Variants in ABR observed in about 807,000 individuals in gnomAD.
ABR encodes the protein active breakpoint cluster region-related protein.
In ABR, 35 loss-of-function variants were observed where a neutral mutation model predicts 107.2. That is an observed-to-expected ratio of 0.33 (90% CI 0.25 to 0.43). ABR has a LOEUF of 0.43. ABR is among the 20% of genes least tolerant of loss of function. ABR has a pLI of 1.00. For missense variants in ABR, 815 were observed against 1,115.2 expected, an observed-to-expected ratio of 0.73 and a Z score of 3.83; for synonymous variants, 498 against 462.0, an observed-to-expected ratio of 1.08 and a Z score of -1.00.
At chr17:1,185,587 G>A (rs1251912785) in intron 1 of ABR, among the ~76,000 whole-genome samples, 1 of 147,298 alleles carries the variant, frequency 6.8e-6, no homozygotes, top group South Asian at 2.2e-4. Context: ...GGAGGTTGCA[G>A]TGAGCCGAGA....
intron 1 of ABR, among the ~76,000 whole-genome samples, chr17:1,224,378 T>A (rs531416732): frequency 1.3e-5 from 2 of 152,368 alleles, no homozygotes; most frequent in East Asian, 1.9e-4. Flanking sequence ...CTTAGGAATC[T>A]GCCCCTCATC....
In ABR at chr17:1,202,377, C is replaced by T. The variant is rs946988338; in HGVS notation, c.838+26416G>A. On this transcript the variant is annotated intron_variant, in intron 1 of 22. Transcript: ENST00000574139. ...AGCCATACCAGAGCCCCAGAGCGCACATTCAAAAGAGAATCTCCAACCTCT... is the reference window on the plus strand; with the variant it reads ...AGCCATACCAGAGCCCCAGAGCGCATATTCAAAAGAGAATCTCCAACCTCT... Among the ~76,000 whole-genome samples, 36 of 152,326 alleles carry T rather than the reference C, an allele frequency of 2.4e-4. 1 individual carries two copies. The highest frequency in any genetic ancestry group is 1.8e-3 in the Admixed American group (27 of 15,302).
intron 11 of ABR, 111 bp downstream of exon 11, chr17:1,058,634 G>A (rs544612282): frequency 1.4e-6 from 2 of 1,396,596 alleles, no homozygotes; most frequent in Admixed American, 2.6e-5. Flanking sequence ...GCCTCCTCAG[G>A]AAGAGGGGGC....
chr17:1,003,736 G>A lies in ABR; in HGVS notation c.*2344C>T, dbSNP rs1490009850. ...CATCAGCCATTGCCCAGCAAGAACAGGCAGACCTGGCGTTTCTTAGCCTGA... is the reference window on the plus strand; with the variant it reads ...CATCAGCCATTGCCCAGCAAGAACAAGCAGACCTGGCGTTTCTTAGCCTGA... On this transcript the variant is annotated 3_prime_UTR_variant, in exon 23 of 23. Transcript: ENST00000302538. 2 of 152,448 alleles carry A rather than the reference G, an allele frequency of 1.3e-5. No homozygotes were observed. The highest frequency in any genetic ancestry group is 4.8e-5 in the African/African-American group (2 of 41,456). 9.4% of individuals were successfully genotyped at this position (152,448 alleles called of 1,614,324 possible).
chr17:1,185,985 G>C (rs1041462584), intron 1 of ABR, among the ~76,000 whole-genome samples: 1 of 151,936 alleles, frequency 6.6e-6, no homozygotes, highest in East Asian at 1.9e-4. Context: ...ACAGGAGCCC[G>C]CCACCACACC....
At position 1,068,518 on chromosome 17, in the gene ABR, C is replaced by T. The variant is rs1272768043; in HGVS notation, c.1017-1276G>A. On this transcript the variant is annotated intron_variant, in intron 9 of 22. Transcript: ENST00000302538. ...TGATGGTAAACGAGTCCCACAGACACGGGTTTGAATCCAGACTGCCGCTTC... is the reference window on the plus strand; with the variant it reads ...TGATGGTAAACGAGTCCCACAGACATGGGTTTGAATCCAGACTGCCGCTTC... 2.6e-5 allele frequency among the ~76,000 whole-genome samples: 4 copies of T among 152,200 alleles called. No homozygotes were observed. In the East Asian group the frequency reaches 7.7e-4, roughly 29 times the overall value.
rs1034120700 is a variant in ABR, at chr17:1,020,739, G to A, written c.1792-7575C>T. On this transcript the variant is annotated intron_variant, in intron 16 of 22. Transcript: ENST00000302538. ...GGCTCCAGGGCAGAGGGTGCTCCACGCACACCTGAGCGTCCTCCAGGGCTG... is the reference window on the plus strand; with the variant it reads ...GGCTCCAGGGCAGAGGGTGCTCCACACACACCTGAGCGTCCTCCAGGGCTG... Among the ~76,000 whole-genome samples the A allele has an allele frequency of 7.2e-5, 11 of 152,146 alleles. No individual in the cohort carries two copies. The East Asian group carries it at 1.2e-3, about 16-fold the overall frequency.
At chr17:1,031,902 GTCCCTCCTCCCTCCTCCCTCCTCCGCA>G (rs1490601483) in intron 16 of ABR, 83 of 1,028,684 alleles carry the variant, frequency 8.1e-5, no homozygotes, top group African/African-American at 3.7e-4. Context: ...CTCCGTCCGC[GTCCCTCCTCCCTCCTCCCTCCTCCGCA>G]TCCCTCCTTC....
chr17:1,030,150 C>CT (rs1274645900), intron 16 of ABR, among the ~76,000 whole-genome samples: 5 of 152,224 alleles, frequency 3.3e-5, no homozygotes, highest in Non-Finnish European at 5.9e-5. Flanking sequence ...GCAAACCCAG[C>CT]TAAGGAATTC....
chr17:1,054,867 G>A (rs907147556), intron 14 of ABR, among the ~76,000 whole-genome samples: 1 of 152,134 alleles, frequency 6.6e-6, no homozygotes. Flanking sequence ...GTGGGGCGCT[G>A]CAGGGAGGGG....
At chr17:1,013,040 C>T (rs1439122729) in intron 17 of ABR, 65 bp downstream of exon 17, 1 of 1,582,524 alleles carries the variant, frequency 6.3e-7, no homozygotes, top group Non-Finnish European at 8.7e-7. Flanking sequence ...GCCGGGCTGC[C>T]CACCTGCTGC....
intron 21 of ABR, among the ~76,000 whole-genome samples, chr17:1,008,614 T>G (rs1257543283): frequency 1.3e-5 from 2 of 152,210 alleles, no homozygotes; most frequent in East Asian, 3.9e-4. Context: ...GAAAAATGTT[T>G]CATGATGGGA....
chr17:1,112,227 C>A (rs1404787909), intron 2 of ABR, among the ~76,000 whole-genome samples: 6 of 152,216 alleles, frequency 3.9e-5, no homozygotes, highest in African/African-American at 1.4e-4. Context: ...AGACGGGGCC[C>A]TTGCCGTTCT....
chr17:1,149,319 G>A (rs2040700946), intron 1 of ABR, among the ~76,000 whole-genome samples: 1 of 152,122 alleles, frequency 6.6e-6, no homozygotes, highest in African/African-American at 2.4e-5. Context: ...AGGAGGCCAG[G>A]GGGCTGAACC....
Position 1,012,671 on chromosome 17 carries a change from C to A in ABR, c.1961+17G>T. 1 of 1,555,720 alleles carries A rather than the reference C, an allele frequency of 6.4e-7. No homozygotes were observed. Among genetic ancestry groups the A allele is most frequent in the South Asian group, 1.2e-5 (1 of 84,810 alleles). On this transcript the variant is annotated intron_variant, in intron 18 of 22. Transcript: ENST00000302538. ...GGGCACCGACGCCAGGACTGGGAGA[C>A]CCGAGGCAGCACCTACTTCGTCACC...
intron 1 of ABR, among the ~76,000 whole-genome samples, chr17:1,214,371 C>A (rs914118778): frequency 2.0e-5 from 3 of 152,028 alleles, no homozygotes; most frequent in African/African-American, 7.2e-5. Context: ...CATGAGTAAC[C>A]ACCACCCCAG....
rs199574953 is a variant in ABR, at chr17:1,092,900, G to GCTCACTGCAA, written c.346-1051_346-1050insTTGCAGTGAG. The stretch of plus-strand genomic sequence containing the variant: ...GGCTGGAGTGCAGTGGTGCGATCTC[G>GCTCACTGCAA]GCTCCGCCTCCCGGGTTCACGCCAT... On this transcript the variant is annotated intron_variant, in intron 3 of 22. Coordinates refer to ENST00000302538, the MANE Select transcript of ABR (RefSeq NM_021962.5). The surrounding 1 kb of genome is among the most constrained non-coding windows in gnomAD (Gnocchi z 4.6). Among the ~76,000 whole-genome samples the GCTCACTGCAA allele has an allele frequency of 2.8e-5, 4 of 144,802 alleles. No homozygotes were observed. The highest frequency in any genetic ancestry group is 4.6e-5 in the Non-Finnish European group (3 of 65,602). 95.0% of individuals were successfully genotyped at this position (144,802 alleles called of 152,430 possible).
rs533917135 is a variant in ABR, at chr17:1,125,073, C to G, written c.246+110G>C. 3.5e-6 allele frequency: 4 copies of G among 1,157,000 alleles called. No individual in the cohort carries two copies. In the Admixed American group the frequency reaches 1.0e-4, roughly 29 times the overall value. The allele number at this position is 1,157,000 out of a possible 1,614,324, so 71.7% of individuals were successfully genotyped here. Reference sequence around the variant, plus strand: ...GGCACCAAGAACGGCCAGGTCCAAACGTCTCCAGTCCCAATCTCTCGAGAC... The same window carrying G: ...GGCACCAAGAACGGCCAGGTCCAAAGGTCTCCAGTCCCAATCTCTCGAGAC... On this transcript the variant is annotated intron_variant, in intron 2 of 22. Coordinates refer to ENST00000302538, the MANE Select transcript of ABR (RefSeq NM_021962.5).
chr17:1,092,084 T>G lies in ABR; in HGVS notation c.346-234A>C, dbSNP rs1024328007. On this transcript the variant is annotated intron_variant, in intron 3 of 22. Transcript: ENST00000302538. This position sits in a 1 kb window ranked among gnomAD's most constrained non-coding sequence, Gnocchi z 4.6. ...TGGCAGCTGTGCCAGGCCCGAGGGGTGGTGCCTGGGCTCACTCCCCTACCA... is the reference window on the plus strand; with the variant it reads ...TGGCAGCTGTGCCAGGCCCGAGGGGGGGTGCCTGGGCTCACTCCCCTACCA... Among the ~76,000 whole-genome samples the G allele has an allele frequency of 2.6e-5, 4 of 151,274 alleles. No individual in the cohort carries two copies. The highest frequency in any genetic ancestry group is 2.0e-4 in the Admixed American group (3 of 15,212).
Sources: gnomAD v4.1 joint callset for allele counts (sites outside exome capture counted in the v4.1 genomes callset) on GRCh38, gnomAD v4.1.1 for gene constraint, Gnocchi (gnomAD v3.1) non-coding constraint, MANE v1.5 for transcripts, NCBI Gene and HGNC (gene_info 2026-07-23, HGNC 2026-07-21) for gene names.